SEMA6A: variants seen among roughly 807,000 people sequenced by gnomAD.
SEMA6A encodes the protein semaphorin 6A.
In SEMA6A, 25 loss-of-function variants were observed where a neutral mutation model predicts 96.8. That is an observed-to-expected ratio of 0.26 (90% CI 0.19 to 0.36). The LOEUF is 0.36. Among genes scored for constraint, SEMA6A ranks in the 10% least tolerant of loss-of-function variants. The pLI, the probability that SEMA6A is intolerant of heterozygous loss-of-function variation, is 1.00. For synonymous variants in SEMA6A, 612 were observed against 518.0 expected (o/e 1.18, Z -2.46); for missense variants, 1,363 against 1,323.1 (o/e 1.03, Z -0.47).
At chr5:116,569,517 A>T (rs1368113941) in intron 1 of SEMA6A, among the ~76,000 whole-genome samples, 7 of 143,216 alleles carry the variant, frequency 4.9e-5, no homozygotes, top group African/African-American at 2.0e-4. Flanking sequence ...GGTTTAGTTT[A>T]AAAAAAAAAT....
intron 1 of SEMA6A, among the ~76,000 whole-genome samples, chr5:116,508,637 T>C (rs1758257275): frequency 6.6e-6 from 1 of 152,100 alleles, no homozygotes; most frequent in Non-Finnish European, 1.5e-5. Context: ...ATTAGCAATA[T>C]TGAGGGAAAA....
chr5:116,560,699 T>C (rs145953894), intron 1 of SEMA6A, among the ~76,000 whole-genome samples: 1 of 152,214 alleles, frequency 6.6e-6, no homozygotes, highest in Non-Finnish European at 1.5e-5. Context: ...CTATTTATTT[T>C]TATCCCGACC....
At chr5:116,477,152 G>T (rs1756496589) in intron 15 of SEMA6A, among the ~76,000 whole-genome samples, 2 of 152,266 alleles carry the variant, frequency 1.3e-5, no homozygotes, top group Non-Finnish European at 2.9e-5. Flanking sequence ...GAATACTTCT[G>T]CAAATTTATT....
At chr5:116,468,000 C>T (rs1459700058) in intron 17 of SEMA6A, 3 of 463,466 alleles carry the variant, frequency 6.5e-6, no homozygotes, top group Non-Finnish European at 1.2e-5. Context: ...GCTGGGTGGG[C>T]CTCAGGGAAT....
chr5:116,478,770 T>C, intron 12 of SEMA6A, 52 bp from the exon 13 acceptor site: 1 of 1,545,826 alleles, frequency 6.5e-7, no homozygotes, highest in Non-Finnish European at 8.8e-7. Context: ...ATCATTAAAG[T>C]GTTCCCTGTT....
chr5:116,480,847 C>A (rs1398236820), intron 11 of SEMA6A, among the ~76,000 whole-genome samples: 1 of 152,032 alleles, frequency 6.6e-6, no homozygotes, highest in Non-Finnish European at 1.5e-5. Context: ...GTATGAAAAG[C>A]CAATTATATC....
chr5:116,540,020 A>G (rs890393395), intron 1 of SEMA6A, among the ~76,000 whole-genome samples: 7 of 151,880 alleles, frequency 4.6e-5, no homozygotes, highest in African/African-American at 1.7e-4. Context: ...TTTTCCTTTC[A>G]TTGCAAGTTC....
rs1438478813 is a variant in SEMA6A at position 116,471,993 on chromosome 5, G to A, written c.1729+1080C>T. Among the ~76,000 whole-genome samples the A allele has an allele frequency of 3.3e-5, 5 of 151,716 alleles. No homozygotes were observed. The East Asian group carries it at 7.7e-4, about 24-fold the overall frequency. ...AAAGACTGTCCTGGATCTGTTGCTT[G>A]ATTATATATCTTAAACACACAAACT... On this transcript the variant is annotated intron_variant, in intron 17 of 18. Transcript: ENST00000343348.
rs193111811 is a variant in SEMA6A at position 116,495,512 on chromosome 5, A to G, written c.345T>C (p.Asp115=). 2 of 1,581,536 alleles carry G rather than the reference A, an allele frequency of 1.3e-6. No individual in the cohort carries two copies. Among genetic ancestry groups the G allele is most frequent in the East Asian group, 2.3e-5 (1 of 44,028 alleles). Reference sequence around the variant, plus strand: ...GAACTTTAATAAAGTTGTGGCACTCATCCTGAAAAATAATTCAAACTGTTT... The same window carrying G: ...GAACTTTAATAAAGTTGTGGCACTCGTCCTGAAAAATAATTCAAACTGTTT... ...DTCRMKGKHK[D]ECHNFIKVLL... is the part of the protein sequence containing the mutation. Residue 115 remains aspartate (D), a splice_region_variant and synonymous_variant, in exon 6 of 19, where the codon GAT becomes GAC. Coordinates refer to ENST00000343348, the MANE Select transcript of SEMA6A (RefSeq NM_020796.5).
intron 1 of SEMA6A, chr5:116,550,418 A>G (rs1294627836): frequency 1.3e-5 from 2 of 152,194 alleles, no homozygotes; most frequent in South Asian, 4.1e-4. Flanking sequence ...CAAAAGTGCT[A>G]ATGTTAACAA....
intron 1 of SEMA6A, among the ~76,000 whole-genome samples, chr5:116,510,931 G>A (rs900266523): frequency 6.6e-6 from 1 of 152,146 alleles, no homozygotes; most frequent in African/African-American, 2.4e-5. Flanking sequence ...CTGTGTGCAA[G>A]GTACATATGC....
At chr5:116,515,785 C>T (rs1474227916) in intron 1 of SEMA6A, among the ~76,000 whole-genome samples, 2 of 152,158 alleles carry the variant, frequency 1.3e-5, no homozygotes, top group Non-Finnish European at 2.9e-5. Context: ...TAAACGGCTG[C>T]AGGGATGTGT....
intron 18 of SEMA6A, among the ~76,000 whole-genome samples, chr5:116,458,095 C>A (rs991115674): frequency 7.2e-5 from 11 of 151,922 alleles, no homozygotes; most frequent in Admixed American, 6.6e-4. Flanking sequence ...TTCTAACAAG[C>A]CTTTTAAAAA....
chr5:116,510,122 G>A (rs889743826), intron 1 of SEMA6A, among the ~76,000 whole-genome samples: 4 of 152,174 alleles, frequency 2.6e-5, no homozygotes, highest in South Asian at 2.1e-4. Context: ...TTCATCAAGC[G>A]AGAGCAAAGA....
chr5:116,481,590 A>C (rs1201937234), intron 11 of SEMA6A, among the ~76,000 whole-genome samples: 1 of 152,146 alleles, frequency 6.6e-6, no homozygotes, highest in Non-Finnish European at 1.5e-5. Flanking sequence ...AAAACAAAAA[A>C]ATTAGTAAGA....
Position 116,496,285 on chromosome 5 carries a change from T to C in SEMA6A, c.308A>G (p.Asp103Gly). The part of the protein sequence containing the change: ...KKLTWKSRQA[D>G]VDTCRMKGKH... The stretch of plus-strand genomic sequence containing the variant: ...TCCCTTCATTCTGCATGTGTCTACA[T>C]CGGCCTGTCTAGATTTCCATGTCAG... Residue 103 changes from aspartate to glycine, a missense_variant, in exon 5 of 19, where the codon GAT (aspartate) becomes GGT (glycine). Asp to Gly is a moderately conservative substitution (Grantham distance 94). Coordinates refer to ENST00000343348, the MANE Select transcript of SEMA6A (RefSeq NM_020796.5). 6.2e-7 allele frequency: 1 copy of C among 1,613,794 alleles called. No individual in the cohort carries two copies. The highest frequency in any genetic ancestry group is 8.5e-7 in the Non-Finnish European group (1 of 1,179,756).
chr5:116,514,771 T>C (rs182397512), intron 1 of SEMA6A, among the ~76,000 whole-genome samples: 4 of 152,314 alleles, frequency 2.6e-5, no homozygotes, highest in Admixed American at 2.6e-4. Context: ...CTGATTTCCA[T>C]CTTACCAACT....
chr5:116,512,709 C>T (rs997521009), intron 1 of SEMA6A, among the ~76,000 whole-genome samples: 2 of 145,108 alleles, frequency 1.4e-5, no homozygotes, highest in Non-Finnish European at 3.0e-5. Flanking sequence ...CCACCCCAAA[C>T]ACACAGCCCT....
At chr5:116,470,449 ATAGGTATATTTT>A (rs1185411368) in intron 17 of SEMA6A, among the ~76,000 whole-genome samples, 1 of 152,204 alleles carries the variant, frequency 6.6e-6, no homozygotes, top group African/African-American at 2.4e-5. Flanking sequence ...ATACAAATAA[ATAGGTATATTTT>A]GAAAGTTAAC....
Sources: gnomAD v4.1 joint callset for allele counts (sites outside exome capture counted in the v4.1 genomes callset) on GRCh38, gnomAD v4.1.1 for gene constraint, MANE v1.5 for transcripts, NCBI Gene and HGNC (gene_info 2026-07-23, HGNC 2026-07-21) for gene names.